Variants in FMN2 observed in about 807,000 individuals in gnomAD.
The protein encoded by FMN2 is formin 2.
FMN2 carries 51 observed loss-of-function variants against 142.3 expected under a neutral mutation model. The observed-to-expected ratio is 0.36, with a 90% CI of 0.29 to 0.45. The LOEUF is 0.45. Among genes scored for constraint, FMN2 ranks in the 20% least tolerant of loss-of-function variants. The pLI is 1.00. For synonymous variants in FMN2, 882 were observed against 869.8 expected, an observed-to-expected ratio of 1.01 and a Z score of -0.25; for missense variants, 1,936 against 2,122.8, an observed-to-expected ratio of 0.91 and a Z score of 1.73.
intron 8 of FMN2, among the ~76,000 whole-genome samples, chr1:240,319,101 T>C (rs1670883541): frequency 6.6e-6 from 1 of 152,006 alleles, no homozygotes; most frequent in Admixed American, 6.6e-5. Context: ...ATTTATTATA[T>C]AGTGTGGTGA....
In FMN2 at chr1:240,206,805, G is replaced by A; in HGVS notation, c.1993G>A (p.Val665Ile). The A allele has an allele frequency of 1.0e-5, 16 of 1,604,244 alleles. No individual in the cohort carries two copies. The highest frequency in any genetic ancestry group is 1.4e-5 in the Non-Finnish European group (16 of 1,172,006). Reference sequence around the variant, plus strand: ...TGTCCTTGTCGCCCTTCAGGAAGTTGTTGACATGAAGTCTGAGGGACAGGC... The same window carrying A: ...TGTCCTTGTCGCCCTTCAGGAAGTTATTGACATGAAGTCTGAGGGACAGGC... ...KRSDAVQKEV[V>I]DMKSEGQATV... Residue 665 changes from valine (V) to isoleucine (I), a missense_variant, in exon 5 of 18, where the codon GTT becomes ATT. Val to Ile is a conservative substitution (Grantham distance 29, BLOSUM62 3). Around this residue, in one of 8 missense-constraint regions of FMN2, gnomAD observed 478 missense variants for 462.8 expected, o/e 1.03. Transcript: ENST00000319653.
At chr1:240,358,582 C>T (rs1206017364) in intron 14 of FMN2, among the ~76,000 whole-genome samples, 1 of 151,464 alleles carries the variant, frequency 6.6e-6, no homozygotes, top group African/African-American at 2.4e-5. Flanking sequence ...ACAATCATGG[C>T]AGAAGGCGAA....
chr1:240,234,528 G>A (rs569652170), intron 6 of FMN2, among the ~76,000 whole-genome samples: 16 of 152,264 alleles, frequency 1.1e-4, no homozygotes, highest in Admixed American at 3.3e-4. Context: ...TTGCATGTCT[G>A]TATCTTTTCC....
chr1:240,112,135 CTTT>C (rs869282410), intron 1 of FMN2, among the ~76,000 whole-genome samples: 4 of 138,570 alleles, frequency 2.9e-5, no homozygotes, highest in Admixed American at 7.3e-5. Context: ...CCTGCATTTT[CTTT>C]TTTTTTTTTT....
At chr1:240,114,022 A>G (rs566387044) in intron 1 of FMN2, among the ~76,000 whole-genome samples, 12 of 152,194 alleles carry the variant, frequency 7.9e-5, no homozygotes, top group Non-Finnish European at 1.3e-4. Flanking sequence ...GAATATACAC[A>G]CTCAGAGAAT....
intron 14 of FMN2, among the ~76,000 whole-genome samples, chr1:240,357,104 G>GAATCTAGTGATTCCACATCTA (rs1370613248): frequency 2.0e-5 from 3 of 152,054 alleles, no homozygotes; most frequent in Admixed American, 2.0e-4. Context: ...CCATCTAGTG[G>GAATCTAGTGATTCCACATCTA]GGTTGTGGAA....
At chr1:240,330,832 T>TA (rs1671350354) in intron 11 of FMN2, 83 bp downstream of exon 11, 3 of 1,490,132 alleles carry the variant, frequency 2.0e-6, no homozygotes, top group Admixed American at 2.3e-5. Context: ...AAAGCAGTTG[T>TA]AAAAAATATT....
At position 240,092,455 on chromosome 1, in the gene FMN2, A is replaced by C; in HGVS notation, c.346A>C (p.Thr116Pro). ...GCTGGACAGCGCTCACTCCCTGCTC[A>C]CCAAGACTCCAGACCTCAGCCTCTC... Reference protein sequence around the residue: ...GELDSAHSLLTKTPDLSLSAD... With the variant: ...GELDSAHSLLPKTPDLSLSAD... Residue 116 changes from threonine (T) to proline (P), a missense_variant, in exon 1 of 18, where the codon ACC (threonine) becomes CCC (proline). Physicochemically the swap from Thr to Pro is conservative, Grantham distance 38 (BLOSUM62 -1). Coordinates refer to ENST00000319653, the MANE Select transcript of FMN2 (RefSeq NM_020066.5). 1.2e-6 allele frequency: 2 copies of C among 1,609,818 alleles called. No individual in the cohort carries two copies. The highest frequency in any genetic ancestry group is 1.7e-6 in the Non-Finnish European group (2 of 1,178,308).
chr1:240,178,850 T>C (rs1021485021), intron 3 of FMN2, among the ~76,000 whole-genome samples: 1 of 152,202 alleles, frequency 6.6e-6, no homozygotes, highest in African/African-American at 2.4e-5. Context: ...TTGCTATTCA[T>C]AGATTTCTCC....
At chr1:240,245,528 C>T (rs751191033) in intron 6 of FMN2, 3 of 471,276 alleles carry the variant, frequency 6.4e-6, no homozygotes, top group Non-Finnish European at 1.3e-5. Context: ...TGACTGAGCT[C>T]TAGGGGTTGT....
intron 16 of FMN2, among the ~76,000 whole-genome samples, chr1:240,466,903 C>T (rs1466120838): frequency 6.6e-6 from 1 of 152,152 alleles, no homozygotes; most frequent in Admixed American, 6.5e-5. Flanking sequence ...GAAATTACTG[C>T]CTGTAAGTCC....
At chr1:240,365,067 T>G (rs1370333079) in intron 14 of FMN2, among the ~76,000 whole-genome samples, 1 of 152,222 alleles carries the variant, frequency 6.6e-6, no homozygotes, top group Non-Finnish European at 1.5e-5. Flanking sequence ...GTTCTCTACT[T>G]TAACCAATGT....
At position 240,333,287 on chromosome 1, in the gene FMN2, T is replaced by C. The variant is rs200276852; in HGVS notation, c.4585-600T>C. Among the ~76,000 whole-genome samples, 3 of 152,170 alleles carry C rather than the reference T, an allele frequency of 2.0e-5. No homozygotes were observed. The East Asian group carries it at 5.8e-4, about 29-fold the overall frequency. On this transcript the variant is annotated intron_variant, in intron 11 of 17. Coordinates refer to ENST00000319653, the MANE Select transcript of FMN2 (RefSeq NM_020066.5). The stretch of plus-strand genomic sequence containing the variant: ...AAATAGAAATATCCACATTGTCTTA[T>C]TTATAACCACATGAGTGTTAACTCC...
chr1:240,137,864 C>A (rs1388084185), intron 2 of FMN2, among the ~76,000 whole-genome samples: 2 of 151,880 alleles, frequency 1.3e-5, no homozygotes, highest in South Asian at 4.2e-4. Flanking sequence ...GGCCAAGGGG[C>A]AGATCACTTG....
At chr1:240,422,652 T>C (rs1331543328) in intron 15 of FMN2, among the ~76,000 whole-genome samples, 1 of 152,250 alleles carries the variant, frequency 6.6e-6, no homozygotes, top group Non-Finnish European at 1.5e-5. Context: ...TGTAGATTCC[T>C]TGGCATTTTC....
At chr1:240,328,008 C>T (rs1389262337) in intron 8 of FMN2, among the ~76,000 whole-genome samples, 3 of 151,580 alleles carry the variant, frequency 2.0e-5, no homozygotes, top group Admixed American at 6.6e-5. Flanking sequence ...ATGAGCCAGG[C>T]GTGGTGGCAG....
At chr1:240,297,309 A>C (rs193070968) in intron 8 of FMN2, among the ~76,000 whole-genome samples, 4 of 152,108 alleles carry the variant, frequency 2.6e-5, no homozygotes, top group Non-Finnish European at 4.4e-5. Flanking sequence ...AGAATATTTT[A>C]TTTGGGCTGG....
chr1:240,260,042 A>T (rs1215779098), intron 7 of FMN2, among the ~76,000 whole-genome samples: 2 of 152,218 alleles, frequency 1.3e-5, no homozygotes, highest in Non-Finnish European at 2.9e-5. Flanking sequence ...TTAGAATAAT[A>T]GTCCCCAGTT....
chr1:240,165,906 A>G (rs1664462862), intron 2 of FMN2, among the ~76,000 whole-genome samples: 1 of 152,004 alleles, frequency 6.6e-6, no homozygotes, highest in Non-Finnish European at 1.5e-5. Flanking sequence ...CTTAGAGGTC[A>G]GGGTCCTCCA....
Sources: allele counts gnomAD v4.1 joint callset (sites outside exome capture counted in the v4.1 genomes callset), GRCh38; gene constraint gnomAD v4.1.1; regional missense constraint gnomAD v4.1.1; transcripts MANE v1.5; gene names NCBI Gene and HGNC (gene_info 2026-07-23, HGNC 2026-07-21).